The following RORA variants were observed in gnomAD, a reference collection of about 807,000 sequenced individuals.
RORA encodes the protein RAR related orphan receptor A, also known as nuclear receptor ROR-alpha.
RORA carries 7 observed loss-of-function variants against 69.5 expected under a neutral mutation model. The ratio of observed to expected loss-of-function variants is 0.10; its 90% CI spans 0.06 to 0.19. The LOEUF (loss-of-function observed/expected upper bound fraction) is 0.19, where lower values mean the gene tolerates loss of function less well. Ranked by LOEUF, RORA falls within the 10% of genes least tolerant of loss-of-function variation. The pLI is 1.00. For missense variants in RORA, 457 were observed against 663.0 expected (o/e 0.69, Z 3.41); for synonymous variants, 261 against 240.8 (o/e 1.08, Z -0.78).
intron 1 of RORA, among the ~76,000 whole-genome samples, chr15:61,045,092 G>A (rs1896959198): frequency 6.6e-6 from 1 of 152,168 alleles, no homozygotes; most frequent in South Asian, 2.1e-4. Flanking sequence ...GTTTGGCTGT[G>A]TCTCCACCCA....
At chr15:60,842,775 T>A (rs1479728082) in intron 1 of RORA, among the ~76,000 whole-genome samples, 1 of 149,284 alleles carries the variant, frequency 6.7e-6, no homozygotes, top group Non-Finnish European at 1.5e-5. Flanking sequence ...GCAGAGGAGC[T>A]CTAAGAAGTC....
chr15:61,098,764 C>A (rs1367407629), intron 1 of RORA, among the ~76,000 whole-genome samples: 1 of 152,228 alleles, frequency 6.6e-6, no homozygotes, highest in African/African-American at 2.4e-5. Flanking sequence ...AGTTACTCCT[C>A]CTTTGCTTTG....
In RORA at chr15:60,893,602, T is replaced by C. The variant is rs902189160; in HGVS notation, c.167-214916A>G. On this transcript the variant is annotated intron_variant, in intron 1 of 10. Coordinates refer to ENST00000335670, the MANE Select transcript of RORA (RefSeq NM_134261.3). Reference sequence around the variant, plus strand: ...CCGTTTGTCTGGGTGTGTGTGTGCGTTTTTAAAAAATTTTAAATTTTGGAT... The same window carrying C: ...CCGTTTGTCTGGGTGTGTGTGTGCGCTTTTAAAAAATTTTAAATTTTGGAT... 5.9e-5 allele frequency among the ~76,000 whole-genome samples: 9 copies of C among 152,136 alleles called. No individual in the cohort carries two copies. The East Asian group carries it at 1.3e-3, about 23-fold the overall frequency.
At chr15:61,133,054 T>TA (rs5813073) in intron 1 of RORA, among the ~76,000 whole-genome samples, 87,537 of 151,722 alleles carry the variant, frequency 0.58, 26,509 homozygotes, top group Non-Finnish European at 0.69. Flanking sequence ...CTTCAAAAGG[T>TA]AACTCTCTAA....
intron 3 of RORA, among the ~76,000 whole-genome samples, chr15:60,526,066 GA>G (rs1256223685): frequency 6.6e-6 from 1 of 152,058 alleles, no homozygotes; most frequent in African/African-American, 2.4e-5. Context: ...AGCATATGAG[GA>G]AAAAAAGTTG....
chr15:61,154,999 C>T lies in RORA; in HGVS notation c.166+74054G>A, dbSNP rs776766094. Among the ~76,000 whole-genome samples the T allele has an allele frequency of 1.9e-4, 27 of 142,338 alleles. No homozygotes were observed. In the Middle Eastern group the frequency reaches 0.018, roughly 97 times the overall value. The allele number at this position is 142,338 out of a possible 152,430, so 93.4% of individuals were successfully genotyped here. A position where few individuals can be genotyped will look rare whatever the true frequency, so the allele number is the denominator to read the frequency against. ...ATGTTCGAAGAAAGTTACAGTTAGA[C>T]AGGACAAATACATTGTGGAGTTCTA... is the stretch of plus-strand genomic sequence containing the variant. On this transcript the variant is annotated intron_variant, in intron 1 of 10. Transcript: ENST00000335670.
intron 1 of RORA, among the ~76,000 whole-genome samples, chr15:60,934,094 A>G (rs531734106): frequency 2.3e-4 from 35 of 152,342 alleles, no homozygotes; most frequent in African/African-American, 7.5e-4. Flanking sequence ...CTTGGCAGTA[A>G]GCCAGGAGGA....
chr15:61,023,030 CA>C (rs1181282113), intron 1 of RORA, among the ~76,000 whole-genome samples: 1 of 151,174 alleles, frequency 6.6e-6, no homozygotes, highest in African/African-American at 2.4e-5. Context: ...ACTAAAAATA[CA>C]AAAAAAATTA....
intron 1 of RORA, among the ~76,000 whole-genome samples, chr15:61,122,662 A>C (rs1050972252): frequency 6.6e-6 from 1 of 152,010 alleles, no homozygotes; most frequent in African/African-American, 2.4e-5. Flanking sequence ...TTTTTCCCTA[A>C]GCTTACACAG....
chr15:60,841,380 C>T (rs2140403547), intron 1 of RORA, among the ~76,000 whole-genome samples: 1 of 152,314 alleles, frequency 6.6e-6, no homozygotes, highest in African/African-American at 2.4e-5. Context: ...GCGGCCACAG[C>T]CATCCAACCA....
chr15:60,813,783 A>T (rs946985085), intron 1 of RORA, among the ~76,000 whole-genome samples: 3 of 152,230 alleles, frequency 2.0e-5, no homozygotes, highest in Admixed American at 1.3e-4. Context: ...GCCTTATTTT[A>T]TCTTTGAAAT....
intron 2 of RORA, among the ~76,000 whole-genome samples, chr15:60,657,407 T>TCCACA (rs1380715380): frequency 9.9e-5 from 15 of 152,112 alleles, no homozygotes. Flanking sequence ...CTCTGGACAA[T>TCCACA]GGGACAAACC....
At chr15:60,690,187 C>T (rs113721507) in intron 1 of RORA, among the ~76,000 whole-genome samples, 80 of 152,300 alleles carry the variant, frequency 5.3e-4, no homozygotes, top group Admixed American at 1.6e-3. Flanking sequence ...TTCTCCCATT[C>T]CTCCAGGGCA....
chr15:61,004,056 C>G (rs988828446), intron 1 of RORA, among the ~76,000 whole-genome samples: 4 of 151,938 alleles, frequency 2.6e-5, no homozygotes, highest in Admixed American at 1.3e-4. Flanking sequence ...ACTAAAGACA[C>G]GCCACAGGGA....
chr15:60,788,268 G>A (rs1215268036), intron 1 of RORA, among the ~76,000 whole-genome samples: 4 of 152,182 alleles, frequency 2.6e-5, no homozygotes, highest in Non-Finnish European at 5.9e-5. Flanking sequence ...TGATGCACAA[G>A]ACACATCTCT....
At chr15:61,021,809 T>C (rs1895540359) in intron 1 of RORA, among the ~76,000 whole-genome samples, 1 of 152,224 alleles carries the variant, frequency 6.6e-6, no homozygotes, top group African/African-American at 2.4e-5. Flanking sequence ...CACTGTCCTA[T>C]GCAAACAGGG....
chr15:60,913,917 A>T (rs1253386871), intron 1 of RORA, among the ~76,000 whole-genome samples: 1 of 152,166 alleles, frequency 6.6e-6, no homozygotes, highest in Non-Finnish European at 1.5e-5. Context: ...TCCTTTTGCC[A>T]TGTCACTGCT....
At chr15:61,026,194 G>C (rs10519105) in intron 1 of RORA, among the ~76,000 whole-genome samples, 13,660 of 152,168 alleles carry the variant, frequency 0.09, 665 homozygotes, top group African/African-American at 0.12. Context: ...ATCCATCGTT[G>C]TTAAAACTGT....
chr15:60,551,149 G>T lies in RORA; in HGVS notation c.197-19298C>A, dbSNP rs1219978672. ...TATGCAACACATTAATATATTTATG[G>T]AGACTATATCTAGGCACATTTATTT... On this transcript the variant is annotated intron_variant, in intron 2 of 10. Coordinates refer to ENST00000335670, the MANE Select transcript of RORA (RefSeq NM_134261.3). 4.6e-5 allele frequency among the ~76,000 whole-genome samples: 7 copies of T among 152,022 alleles called. No individual in the cohort carries two copies. In the East Asian group the frequency reaches 1.2e-3, roughly 25 times the overall value.
Sources: gnomAD v4.1 joint callset for allele counts (sites outside exome capture counted in the v4.1 genomes callset) on GRCh38, gnomAD v4.1.1 for gene constraint, MANE v1.5 for transcripts, NCBI Gene and HGNC (gene_info 2026-07-23, HGNC 2026-07-21) for gene names.